Variants in MARCHF8 observed in about 807,000 individuals in gnomAD.
The protein encoded by MARCHF8 is membrane associated ring-CH-type finger 8, also known as E3 ubiquitin-protein ligase MARCHF8.
Under a neutral mutation model 51.6 loss-of-function variants are expected in MARCHF8, and 40 were observed. The ratio of observed to expected loss-of-function variants is 0.77; its 90% CI spans 0.60 to 1.01. The LOEUF is 1.01. Among genes scored for constraint, MARCHF8 ranks in the 50% least tolerant of loss-of-function variants. The pLI, the probability that MARCHF8 is intolerant of heterozygous loss-of-function variation, is 0.00. For synonymous variants in MARCHF8, 263 were observed against 280.3 expected, an observed-to-expected ratio of 0.94 and a Z score of 0.62; for missense variants, 685 against 708.6, an observed-to-expected ratio of 0.97 and a Z score of 0.38.
chr10:45,457,858 A>G lies in MARCHF8; in HGVS notation c.*381T>C, dbSNP rs970066529. On this transcript the variant is annotated 3_prime_UTR_variant, in exon 8 of 8. Transcript: ENST00000453424. The stretch of plus-strand genomic sequence containing the variant: ...TAGACACTCCCCAATGCTCTGCTCC[A>G]GGCTGGGGACCACTGCAAGCTGGAG... 1.1e-4 allele frequency: 23 copies of G among 209,192 alleles called. No homozygotes were observed. The highest frequency in any genetic ancestry group is 3.9e-4 in the African/African-American group (17 of 43,092). 13.0% of individuals were successfully genotyped at this position (209,192 alleles called of 1,614,324 possible).
intron 1 of MARCHF8, among the ~76,000 whole-genome samples, chr10:45,569,985 T>C (rs1015282413): frequency 6.6e-6 from 1 of 152,124 alleles, no homozygotes; most frequent in Non-Finnish European, 1.5e-5. Flanking sequence ...AGCACAACAC[T>C]TTCCACAACT....
chr10:45,487,777 A>C (rs2043008676), intron 3 of MARCHF8, among the ~76,000 whole-genome samples: 1 of 152,210 alleles, frequency 6.6e-6, no homozygotes, highest in African/African-American at 2.4e-5. Context: ...AGTCTTAAAA[A>C]AATAAGGTGA....
chr10:45,580,248 G>T (rs1041485149), intron 1 of MARCHF8, among the ~76,000 whole-genome samples: 1 of 151,954 alleles, frequency 6.6e-6, no homozygotes, highest in African/African-American at 2.4e-5. Context: ...CAGGAAATAT[G>T]ACATAATAAA....
At chr10:45,591,619 G>T (rs60040820) in intron 1 of MARCHF8, among the ~76,000 whole-genome samples, 1 of 152,008 alleles carries the variant, frequency 6.6e-6, no homozygotes, top group Non-Finnish European at 1.5e-5. Context: ...TCTTATATGC[G>T]TGACACATTT....
At chr10:45,577,091 A>G (rs1374524031) in intron 1 of MARCHF8, among the ~76,000 whole-genome samples, 1 of 152,220 alleles carries the variant, frequency 6.6e-6, no homozygotes, top group Admixed American at 6.5e-5. Flanking sequence ...GACTCATCAA[A>G]GAGCCAGAGG....
At position 45,457,942 on chromosome 10, in the gene MARCHF8, T is replaced by G; in HGVS notation, c.*297A>C. The G allele has an allele frequency of 2.9e-6, 1 of 345,774 alleles. No homozygotes were observed. The allele number at this position is 345,774 out of a possible 1,614,324, so 21.4% of individuals were successfully genotyped here. A position where few individuals can be genotyped will look rare whatever the true frequency, so the allele number is the denominator to read the frequency against. On this transcript the variant is annotated 3_prime_UTR_variant, in exon 8 of 8. Transcript: ENST00000453424. ...CCTCCTCTTCCCTTGGGATTGGCAT[T>G]TTATTCTCTCATTCAGCTCAAGACC...
At chr10:45,573,143 G>A (rs1272972227) in intron 1 of MARCHF8, among the ~76,000 whole-genome samples, 1 of 152,094 alleles carries the variant, frequency 6.6e-6, no homozygotes, top group Non-Finnish European at 1.5e-5. Context: ...GGCCCATTTA[G>A]CAGCAACCCT....
At chr10:45,580,277 T>TGGC (rs1336868322) in intron 1 of MARCHF8, among the ~76,000 whole-genome samples, 1 of 152,106 alleles carries the variant, frequency 6.6e-6, no homozygotes, top group African/African-American at 2.4e-5. Context: ...GAATAAAGTT[T>TGGC]ACAAAATGGG....
chr10:45,512,345 G>C (rs2133202767), intron 2 of MARCHF8, among the ~76,000 whole-genome samples: 1 of 150,794 alleles, frequency 6.6e-6, no homozygotes, highest in South Asian at 2.1e-4. Flanking sequence ...GTCCGGGAGG[G>C]AGGTGGGGGT....
intron 1 of MARCHF8, among the ~76,000 whole-genome samples, chr10:45,577,382 G>A (rs552735095): frequency 6.6e-6 from 1 of 152,194 alleles, no homozygotes; most frequent in South Asian, 2.1e-4. Flanking sequence ...TGGATTGCTT[G>A]TAACACAAAG....
intron 1 of MARCHF8, among the ~76,000 whole-genome samples, chr10:45,567,553 T>C (rs1212442297): frequency 2.0e-5 from 3 of 152,204 alleles, no homozygotes; most frequent in Non-Finnish European, 4.4e-5. Flanking sequence ...CCAGAGTATG[T>C]TCTTGGCTCC....
At chr10:45,501,710 T>C (rs776447419) in intron 2 of MARCHF8, among the ~76,000 whole-genome samples, 2 of 152,066 alleles carry the variant, frequency 1.3e-5, no homozygotes, top group East Asian at 3.8e-4. Flanking sequence ...ATAAAAGCTA[T>C]AGCCTGGGGG....
At chr10:45,576,772 TAA>T (rs79524510) in intron 1 of MARCHF8, among the ~76,000 whole-genome samples, 7 of 112,418 alleles carry the variant, frequency 6.2e-5, no homozygotes, top group Admixed American at 1.8e-4. Context: ...AAATAAAAAT[TAA>T]AAAAAAAAAA....
At chr10:45,554,179 T>A (rs757604506) in intron 1 of MARCHF8, among the ~76,000 whole-genome samples, 6 of 152,236 alleles carry the variant, frequency 3.9e-5, no homozygotes, top group Non-Finnish European at 8.8e-5. Flanking sequence ...ATTCTTAAAC[T>A]ATTTTCAGTA....
intron 2 of MARCHF8, among the ~76,000 whole-genome samples, chr10:45,501,239 T>TA (rs1353982993): frequency 6.6e-6 from 1 of 151,658 alleles, no homozygotes. Context: ...CCTAAAAGAA[T>TA]AAAAAAACTG....
At chr10:45,544,192 T>A (rs1432953995) in intron 1 of MARCHF8, among the ~76,000 whole-genome samples, 1 of 152,074 alleles carries the variant, frequency 6.6e-6, no homozygotes, top group East Asian at 1.9e-4. Context: ...CCAAAAACAC[T>A]AGAATGGCTC....
At chr10:45,468,866 A>AT (rs1481255309) in intron 3 of MARCHF8, among the ~76,000 whole-genome samples, 1 of 152,216 alleles carries the variant, frequency 6.6e-6, no homozygotes, top group Non-Finnish European at 1.5e-5. Flanking sequence ...AGGTATGCTT[A>AT]TACATTGCTG....
intron 2 of MARCHF8, among the ~76,000 whole-genome samples, chr10:45,513,257 T>G (rs2043563394): frequency 4.6e-5 from 7 of 151,968 alleles, no homozygotes. Context: ...AAAAAAGAAA[T>G]TATAACACTG....
intron 1 of MARCHF8, among the ~76,000 whole-genome samples, chr10:45,589,024 TC>T (rs1687606590): frequency 7.2e-6 from 1 of 138,016 alleles, no homozygotes; most frequent in South Asian, 2.3e-4. Flanking sequence ...AAAAAAAGAA[TC>T]CATATTATAA....
Sources: allele counts gnomAD v4.1 joint callset (sites outside exome capture counted in the v4.1 genomes callset), GRCh38; gene constraint gnomAD v4.1.1; transcripts MANE v1.5; gene names NCBI Gene and HGNC (gene_info 2026-07-23, HGNC 2026-07-21).